SOAT2: variants seen among roughly 807,000 people sequenced by gnomAD.
SOAT2 encodes the protein sterol O-acyltransferase 2.
Under a neutral mutation model 76.0 loss-of-function variants are expected in SOAT2, and 87 were observed. That is an observed-to-expected ratio of 1.14 (90% confidence interval 0.96 to 1.37). SOAT2 has a LOEUF of 1.37. SOAT2 is among the 40% of genes most tolerant of loss of function. The pLI is 0.00. For missense variants in SOAT2, 686 were observed against 682.1 expected, an observed-to-expected ratio of 1.01 and a Z score of -0.06; for synonymous variants, 285 against 275.4, an observed-to-expected ratio of 1.03 and a Z score of -0.34.
chr12:53,121,035 C>T (rs1938182197), intron 11 of SOAT2, 152 bp downstream of exon 11: 1 of 685,944 alleles, frequency 1.5e-6, no homozygotes, highest in Non-Finnish European at 2.6e-6. Flanking sequence ...CTTATAATGC[C>T]ACCCCTCCAC....
Position 53,105,825 on chromosome 12 carries a change from G to A in SOAT2, c.336-82G>A, listed in dbSNP as rs766677256. 160 of 1,218,638 alleles carry A rather than the reference G, an allele frequency of 1.3e-4. 2 individuals carry two copies. Among genetic ancestry groups the A allele is most frequent in the Middle Eastern group, 1.9e-4 (1 of 5,260 alleles). 75.5% of individuals were successfully genotyped at this position (1,218,638 alleles called of 1,614,324 possible). Reference sequence around the variant, plus strand: ...GAAGTTCTGGATCGCTAGGCCCCATGCCTCATGTGTACAGTGTCTGAGCTA... The same window carrying A: ...GAAGTTCTGGATCGCTAGGCCCCATACCTCATGTGTACAGTGTCTGAGCTA... On this transcript the variant is annotated intron_variant, in intron 4 of 14. Coordinates refer to ENST00000301466, the MANE Select transcript of SOAT2 (RefSeq NM_003578.4).
At chr12:53,105,352 C>T in intron 3 of SOAT2, 109 bp downstream of exon 3, 1 of 1,368,590 alleles carries the variant, frequency 7.3e-7, no homozygotes, top group Non-Finnish European at 1.0e-6. Flanking sequence ...CTCCAGCCTT[C>T]CCTCTTCCCC....
Position 53,118,945 on chromosome 12 carries a change from T to TA in SOAT2, c.909+11dup. 1 of 1,613,918 alleles carries TA rather than the reference T, an allele frequency of 6.2e-7. No individual in the cohort carries two copies. Among genetic ancestry groups the TA allele is most frequent in the East Asian group, 2.2e-5 (1 of 44,854 alleles). On this transcript the variant is annotated intron_variant, in intron 9 of 14. Transcript: ENST00000301466. Reference sequence around the variant, plus strand: ...CAAGAACTTTGCCCAGGTGAGAAGATAGGGTAGAAGGGTGGACCTGTGACT... The same window carrying TA: ...CAAGAACTTTGCCCAGGTGAGAAGATAAGGGTAGAAGGGTGGACCTGTGACT...
intron 5 of SOAT2, among the ~76,000 whole-genome samples, chr12:53,111,800 A>G (rs763923586): frequency 6.6e-6 from 1 of 152,246 alleles, no homozygotes; most frequent in Non-Finnish European, 1.5e-5. Flanking sequence ...TAAGTCACAT[A>G]AACTTGAAAA....
At chr12:53,117,143 T>G (rs1938117140) in intron 7 of SOAT2, among the ~76,000 whole-genome samples, 1 of 151,774 alleles carries the variant, frequency 6.6e-6, no homozygotes, top group Non-Finnish European at 1.5e-5. Context: ...GTACTTTTAG[T>G]AGAGACAGGG....
intron 5 of SOAT2, among the ~76,000 whole-genome samples, chr12:53,107,622 C>CTTTTTTT (rs1303838303): frequency 6.0e-5 from 7 of 117,032 alleles, no homozygotes; most frequent in Admixed American, 8.1e-5. Context: ...AACAGATGTA[C>CTTTTTTT]TTTTTTTTTT....
rs1227163585 is a variant in SOAT2, at chr12:53,115,537, G to T, written c.591G>T (p.Thr197=). Residue 197 remains threonine, a synonymous_variant, in exon 6 of 15, where the codon ACG becomes ACT. Transcript: ENST00000301466. ...LWARGTWTQA[T]GLGCALLAAH... is the part of the protein sequence containing the mutation. ...CCAGGGGCACCTGGACGCAGGCGAC[G>T]GGCCTGGGCTGTGCGCTGCTAGCCG... The T allele has an allele frequency of 6.3e-7, 1 of 1,599,936 alleles. No individual in the cohort carries two copies.
intron 5 of SOAT2, among the ~76,000 whole-genome samples, chr12:53,108,437 C>CT (rs60243961): frequency 0.19 from 28,250 of 152,010 alleles, 3,312 homozygotes; most frequent in African/African-American, 0.34. Context: ...TCTTATTGTA[C>CT]TATGCAAATA....
chr12:53,106,050 T>C, intron 5 of SOAT2, 36 bp downstream of exon 5: 3 of 1,478,678 alleles, frequency 2.0e-6, no homozygotes, highest in Non-Finnish European at 1.9e-6. Flanking sequence ...GGCACACCTA[T>C]CTGATCAGAC....
intron 7 of SOAT2, 40 bp downstream of exon 7, chr12:53,116,206 T>C (rs1938105959): frequency 6.4e-6 from 10 of 1,556,624 alleles, no homozygotes; most frequent in African/African-American, 1.4e-5. Context: ...CTCAGTCCTC[T>C]TGGCTGACTG....
At chr12:53,105,501 C>A in intron 3 of SOAT2, 60 bp from the exon 4 acceptor site, 1 of 1,507,800 alleles carries the variant, frequency 6.6e-7, no homozygotes, top group Non-Finnish European at 9.1e-7. Flanking sequence ...TGACCTTCTG[C>A]ATGGCCCTGC....
chr12:53,105,350 T>G (rs937556695), intron 3 of SOAT2, 107 bp downstream of exon 3: 5 of 1,381,872 alleles, frequency 3.6e-6, no homozygotes, highest in Non-Finnish European at 3.9e-6. Context: ...GACTCCAGCC[T>G]TCCCTCTTCC....
At chr12:53,121,452 T>TTCCTTCCCTC in intron 12 of SOAT2, 51 bp downstream of exon 12, 1 of 1,434,288 alleles carries the variant, frequency 7.0e-7, no homozygotes, top group East Asian at 2.3e-5. Flanking sequence ...GGGGCTCTCC[T>TTCCTTCCCTC]TCCTTCCCTC....
chr12:53,116,896 CTT>C (rs1295784247), intron 7 of SOAT2, among the ~76,000 whole-genome samples: 1 of 151,612 alleles, frequency 6.6e-6, no homozygotes, highest in East Asian at 1.9e-4. Context: ...ACATGCAACT[CTT>C]TCTTTCACTC....
chr12:53,119,913 T>C (rs192772239), intron 10 of SOAT2, among the ~76,000 whole-genome samples: 3 of 152,332 alleles, frequency 2.0e-5, no homozygotes, highest in Admixed American at 2.0e-4. Flanking sequence ...TCTTTCTGTC[T>C]CTGTCTCTGT....
intron 2 of SOAT2, among the ~76,000 whole-genome samples, chr12:53,104,552 G>T (rs112191896): frequency 0.019 from 2,905 of 152,218 alleles, 91 homozygotes; most frequent in African/African-American, 0.067. Flanking sequence ...GGGATTACAG[G>T]TGTGAGCCAC....
chr12:53,104,409 C>T (rs112934530), intron 2 of SOAT2, among the ~76,000 whole-genome samples: 2,914 of 151,072 alleles, frequency 0.019, 97 homozygotes, highest in African/African-American at 0.067. Context: ...AGCTGAACTA[C>T]AGATGAGTGC....
intron 5 of SOAT2, among the ~76,000 whole-genome samples, chr12:53,112,664 T>A (rs1402764879): frequency 6.6e-6 from 1 of 152,022 alleles, no homozygotes; most frequent in African/African-American, 2.4e-5. Flanking sequence ...ATCTTGGATG[T>A]TATCTTTTAA....
chr12:53,115,693 G>C (rs1403490101), intron 6 of SOAT2, 39 bp downstream of exon 6: 2 of 1,473,898 alleles, frequency 1.4e-6, no homozygotes, highest in South Asian at 1.4e-5. Flanking sequence ...GAAGGAACCA[G>C]CTGGTGGGGC....
Sources: allele counts gnomAD v4.1 joint callset (sites outside exome capture counted in the v4.1 genomes callset), GRCh38; gene constraint gnomAD v4.1.1; transcripts MANE v1.5; gene names NCBI Gene and HGNC (gene_info 2026-07-23, HGNC 2026-07-21).